LIMD1: variants seen among roughly 807,000 people sequenced by gnomAD.
LIMD1 encodes LIM domain-containing protein 1.
LIMD1 carries 23 observed loss-of-function variants against 58.4 expected under a neutral mutation model. The observed-to-expected ratio is 0.39, with a 90% CI of 0.28 to 0.56. LIMD1 has a LOEUF of 0.56. Among genes scored for constraint, LIMD1 ranks in the 20% least tolerant of loss-of-function variants. LIMD1 has a pLI of 0.57. For missense variants in LIMD1, 838 were observed against 855.5 expected (o/e 0.98, Z 0.25); for synonymous variants, 334 against 345.5 (o/e 0.97, Z 0.37).
intron 4 of LIMD1, among the ~76,000 whole-genome samples, chr3:45,668,999 C>T (rs1697557782): frequency 1.3e-5 from 2 of 152,184 alleles, no homozygotes; most frequent in South Asian, 4.1e-4. Flanking sequence ...TCTCAGCTAC[C>T]TTGGAGTCAA....
chr3:45,669,387 A>G (rs1697562206), intron 4 of LIMD1, among the ~76,000 whole-genome samples: 1 of 152,222 alleles, frequency 6.6e-6, no homozygotes, highest in Admixed American at 6.5e-5. Flanking sequence ...CATTCTAGAG[A>G]AGATAATTTC....
chr3:45,676,082 A>C (rs1697666158), intron 7 of LIMD1, among the ~76,000 whole-genome samples: 1 of 152,124 alleles, frequency 6.6e-6, no homozygotes, highest in African/African-American at 2.4e-5. Flanking sequence ...TGTCTCTACT[A>C]AAAATACAAA....
chr3:45,610,230 A>T (rs1441316835), intron 1 of LIMD1, among the ~76,000 whole-genome samples: 2 of 152,108 alleles, frequency 1.3e-5, no homozygotes, highest in African/African-American at 4.8e-5. Flanking sequence ...CTCTGGCCAG[A>T]TGTGGGGAGC....
At chr3:45,596,693 G>A (rs1701359374) in intron 1 of LIMD1, among the ~76,000 whole-genome samples, 1 of 152,052 alleles carries the variant, frequency 6.6e-6, no homozygotes, top group Non-Finnish European at 1.5e-5. Flanking sequence ...TCAGTCTGTA[G>A]TTGGTTGGGC....
intron 2 of LIMD1, among the ~76,000 whole-genome samples, chr3:45,650,028 TTTGTTGAGC>T (rs910974819): frequency 2.0e-5 from 3 of 151,768 alleles, no homozygotes; most frequent in African/African-American, 7.3e-5. Context: ...TGCTTAGGGG[TTTGTTGAGC>T]TTCTTGGATC....
intron 1 of LIMD1, among the ~76,000 whole-genome samples, chr3:45,630,452 T>C (rs1376114918): frequency 1.3e-5 from 2 of 151,938 alleles, no homozygotes; most frequent in Non-Finnish European, 2.9e-5. Context: ...GGGGGAACGA[T>C]TGGTTTCCTG....
At position 45,678,138 on chromosome 3, in the gene LIMD1, GT is replaced by G. The variant is rs1697696008; in HGVS notation, c.*1082del. 4 of 152,710 alleles carry G rather than the reference GT, an allele frequency of 2.6e-5. No individual in the cohort carries two copies. In the South Asian group the frequency reaches 8.3e-4, roughly 32 times the overall value. The allele number at this position is 152,710 out of a possible 1,614,324, so 9.5% of individuals were successfully genotyped here. A position where few individuals can be genotyped will look rare whatever the true frequency, so the allele number is the denominator to read the frequency against. The stretch of plus-strand genomic sequence containing the variant: ...GCCCAATTCTTGGCACAGGCATTAT[GT>G]TTGAAGAAACCAGGATAAGGTACAC... On this transcript the variant is annotated 3_prime_UTR_variant, in exon 8 of 8. Transcript: ENST00000273317.
At chr3:45,603,782 G>A (rs1701441470) in intron 1 of LIMD1, among the ~76,000 whole-genome samples, 2 of 152,138 alleles carry the variant, frequency 1.3e-5, no homozygotes, top group African/African-American at 2.4e-5. Context: ...GATTACAGTC[G>A]TGAGCCACTG....
chr3:45,614,525 C>A (rs575876990), intron 1 of LIMD1, among the ~76,000 whole-genome samples: 1 of 151,774 alleles, frequency 6.6e-6, no homozygotes, highest in Non-Finnish European at 1.5e-5. Flanking sequence ...AGATTCAAGA[C>A]CAGCCTGGGC....
chr3:45,639,195 G>A (rs926583709), intron 2 of LIMD1, among the ~76,000 whole-genome samples: 1 of 152,068 alleles, frequency 6.6e-6, no homozygotes, highest in African/African-American at 2.4e-5. Context: ...CATGTTTGTT[G>A]GCTGCTTGTA....
chr3:45,640,074 T>C (rs1559520473), intron 2 of LIMD1, among the ~76,000 whole-genome samples: 1 of 152,262 alleles, frequency 6.6e-6, no homozygotes, highest in Non-Finnish European at 1.5e-5. Flanking sequence ...TATTTCTTAA[T>C]GGATTGAGTT....
Position 45,595,144 on chromosome 3 carries a change from C to T in LIMD1, c.265C>T (p.Arg89Cys), listed in dbSNP as rs373115120. 6 of 1,605,254 alleles carry T rather than the reference C, an allele frequency of 3.7e-6. No individual in the cohort carries two copies. Among genetic ancestry groups the T allele is most frequent in the African/African-American group, 2.7e-5 (2 of 74,758 alleles). ...AGGGGGCCGCCTGGGCCCACAGGCCCGTTGGGAAGTTGTGGGCAGCAAGCT... is the reference window on the plus strand; with the variant it reads ...AGGGGGCCGCCTGGGCCCACAGGCCTGTTGGGAAGTTGTGGGCAGCAAGCT... The part of the protein sequence containing the change: ...NGGGRLGPQA[R>C]WEVVGSKLTV... Residue 89 changes from arginine (R) to cysteine (C), a missense_variant, in exon 1 of 8, where the codon CGT becomes TGT. Coordinates refer to ENST00000273317, the MANE Select transcript of LIMD1 (RefSeq NM_014240.3).
At chr3:45,643,018 A>AG (rs1208868085) in intron 2 of LIMD1, among the ~76,000 whole-genome samples, 2 of 152,108 alleles carry the variant, frequency 1.3e-5, no homozygotes, top group African/African-American at 4.8e-5. Flanking sequence ...CTGGAGTGGG[A>AG]GGGAGGTCTG....
chr3:45,676,960 C>G lies in LIMD1; in HGVS notation c.1932C>G (p.Arg644=), dbSNP rs201452978. The G allele has an allele frequency of 2.5e-5, 40 of 1,614,148 alleles. No individual in the cohort carries two copies. In the African/African-American group the frequency reaches 4.3e-4, roughly 17 times the overall value. The change falls in exon 8 of 8, where the codon CGC becomes CGG. Residue 644 remains arginine (R), a synonymous_variant. Coordinates refer to ENST00000273317, the MANE Select transcript of LIMD1 (RefSeq NM_014240.3). The part of the protein sequence containing the change: ...GLELNDEDGH[R]CYPLEDHLFC... ...AGCTCAATGATGAAGATGGCCACCG[C>G]TGTTATCCGCTGGAGGACCACCTGT... is the stretch of plus-strand genomic sequence containing the variant.
At chr3:45,676,663 A>G (rs1455541999) in intron 7 of LIMD1, among the ~76,000 whole-genome samples, 1 of 152,164 alleles carries the variant, frequency 6.6e-6, no homozygotes, top group Non-Finnish European at 1.5e-5. Flanking sequence ...ATATTTTTAC[A>G]TCCTCTTTTT....
At chr3:45,667,831 T>C (rs7644924) in intron 3 of LIMD1, among the ~76,000 whole-genome samples, 6,344 of 152,190 alleles carry the variant, frequency 0.042, 145 homozygotes, top group African/African-American at 0.068. Flanking sequence ...GCAGAATTGT[T>C]GTAAGCATTA....
chr3:45,637,503 T>A (rs1184743552), intron 2 of LIMD1, among the ~76,000 whole-genome samples: 1 of 152,136 alleles, frequency 6.6e-6, no homozygotes, highest in Non-Finnish European at 1.5e-5. Flanking sequence ...ATTGTCTCGA[T>A]CTCTTGACCT....
At chr3:45,631,714 G>A (rs1485803804) in intron 1 of LIMD1, among the ~76,000 whole-genome samples, 2 of 152,146 alleles carry the variant, frequency 1.3e-5, no homozygotes, top group Non-Finnish European at 2.9e-5. Context: ...CCCTGCCGTT[G>A]AGAGATAAAG....
chr3:45,603,410 G>A (rs918562084), intron 1 of LIMD1, among the ~76,000 whole-genome samples: 31 of 151,908 alleles, frequency 2.0e-4, no homozygotes, highest in African/African-American at 7.5e-4. Flanking sequence ...AGTGACAGAA[G>A]CTCAACAGCT....
Sources: gnomAD v4.1 joint callset for allele counts (sites outside exome capture counted in the v4.1 genomes callset) on GRCh38, gnomAD v4.1.1 for gene constraint, MANE v1.5 for transcripts, NCBI Gene and HGNC (gene_info 2026-07-23, HGNC 2026-07-21) for gene names.